CTNNA2: variants seen among roughly 807,000 people sequenced by gnomAD.
The protein encoded by CTNNA2 is catenin alpha 2.
CTNNA2 carries 42 observed loss-of-function variants against 101.0 expected under a neutral mutation model. That is an observed-to-expected ratio of 0.42 (90% CI 0.32 to 0.54). The LOEUF is 0.54. Ranked by LOEUF, CTNNA2 falls within the 20% of genes least tolerant of loss-of-function variation. The probability of loss-of-function intolerance (pLI) is 0.14; values close to 1 mark genes in which losing one functional copy is unlikely to be tolerated. For missense variants in CTNNA2, 871 were observed against 1,223.1 expected (o/e 0.71, Z 4.29); for synonymous variants, 450 against 456.4 (o/e 0.99, Z 0.18).
chr2:79,690,334 G>A (rs1367905815), intron 2 of CTNNA2, among the ~76,000 whole-genome samples: 1 of 151,870 alleles, frequency 6.6e-6, no homozygotes, highest in Non-Finnish European at 1.5e-5. Flanking sequence ...TTTTATACTA[G>A]CAAAATGTTA....
At chr2:79,527,474 C>CAAAAAAAAA (rs58822666) in intron 1 of CTNNA2, among the ~76,000 whole-genome samples, 177 of 84,122 alleles carry the variant, frequency 2.1e-3, no homozygotes, top group Non-Finnish European at 2.7e-3. Context: ...ACTAAAAATA[C>CAAAAAAAAA]AAAAAAAAAA....
intron 9 of CTNNA2, among the ~76,000 whole-genome samples, chr2:80,504,663 C>G (rs190610037): frequency 5.9e-5 from 9 of 152,258 alleles, no homozygotes; most frequent in African/African-American, 2.2e-4. Context: ...GGAACTCTCT[C>G]TAGGTCTCCT....
intron 9 of CTNNA2, among the ~76,000 whole-genome samples, chr2:80,508,500 G>A (rs1468759608): frequency 1.3e-5 from 2 of 151,806 alleles, no homozygotes; most frequent in African/African-American, 2.4e-5. Flanking sequence ...TGACAAACAA[G>A]TGTATCTTAA....
At chr2:79,647,637 A>G (rs1248243484) in intron 1 of CTNNA2, among the ~76,000 whole-genome samples, 1 of 152,216 alleles carries the variant, frequency 6.6e-6, no homozygotes, top group Non-Finnish European at 1.5e-5. Context: ...ACCTAGAACA[A>G]TGCCTGGCCC....
intron 7 of CTNNA2, among the ~76,000 whole-genome samples, chr2:80,064,784 A>C (rs1315900927): frequency 6.6e-6 from 1 of 152,196 alleles, no homozygotes; most frequent in Non-Finnish European, 1.5e-5. Context: ...TCTAATGTCC[A>C]ATTGACCAAA....
chr2:80,250,915 T>C (rs1671715405), intron 7 of CTNNA2, among the ~76,000 whole-genome samples: 1 of 152,084 alleles, frequency 6.6e-6, no homozygotes, highest in African/African-American at 2.4e-5. Flanking sequence ...GGTATTAAAC[T>C]CTCCCCAGAC....
chr2:79,329,381 T>C (rs1676819738), intron 3 of CTNNA2, among the ~76,000 whole-genome samples: 1 of 152,164 alleles, frequency 6.6e-6, no homozygotes, highest in Non-Finnish European at 1.5e-5. Context: ...AAGGGAATGA[T>C]GTAGAATACA....
At chr2:79,439,940 A>G (rs1426645295) in intron 4 of CTNNA2, among the ~76,000 whole-genome samples, 1 of 152,172 alleles carries the variant, frequency 6.6e-6, no homozygotes, top group East Asian at 1.9e-4. Flanking sequence ...GCAGGGAAAC[A>G]TGCGAAGGTA....
chr2:79,349,184 G>A (rs1329730603), intron 3 of CTNNA2, among the ~76,000 whole-genome samples: 1 of 152,210 alleles, frequency 6.6e-6, no homozygotes, highest in Non-Finnish European at 1.5e-5. Context: ...ATGTAAGTTT[G>A]TGGATAGGGT....
chr2:80,141,322 TG>T (rs1218289546), intron 7 of CTNNA2, among the ~76,000 whole-genome samples: 4 of 151,948 alleles, frequency 2.6e-5, no homozygotes, highest in African/African-American at 9.7e-5. Flanking sequence ...AGGAATTTTT[TG>T]AGCCCTCTTA....
intron 2 of CTNNA2, among the ~76,000 whole-genome samples, chr2:79,689,986 A>G (rs1268449757): frequency 1.3e-5 from 2 of 152,006 alleles, no homozygotes; most frequent in Non-Finnish European, 2.9e-5. Context: ...TATCTTGCAT[A>G]TACATACCTA....
At chr2:80,419,850 C>T (rs1461197672) in intron 9 of CTNNA2, among the ~76,000 whole-genome samples, 1 of 151,684 alleles carries the variant, frequency 6.6e-6, no homozygotes, top group Non-Finnish European at 1.5e-5. Flanking sequence ...TCCTGAACAA[C>T]AAGCAGGAGC....
At chr2:79,603,058 A>C (rs1041951268) in intron 1 of CTNNA2, among the ~76,000 whole-genome samples, 1 of 152,192 alleles carries the variant, frequency 6.6e-6, no homozygotes, top group South Asian at 2.1e-4. Flanking sequence ...AAACAAAGGG[A>C]TATTCATGCA....
chr2:79,604,488 G>A (rs1677756526), intron 1 of CTNNA2, among the ~76,000 whole-genome samples: 1 of 152,156 alleles, frequency 6.6e-6, no homozygotes, highest in Admixed American at 6.5e-5. Flanking sequence ...GAACTGAGTT[G>A]CAATTGGGAG....
intron 3 of CTNNA2, among the ~76,000 whole-genome samples, chr2:79,341,403 A>G (rs1181281057): frequency 1.3e-5 from 2 of 152,200 alleles, no homozygotes; most frequent in African/African-American, 2.4e-5. Context: ...TGCCAGTTTG[A>G]AGGGAAAATG....
At chr2:79,218,947 C>T (rs1323960622) in intron 2 of CTNNA2, among the ~76,000 whole-genome samples, 2 of 152,074 alleles carry the variant, frequency 1.3e-5, no homozygotes, top group African/African-American at 4.8e-5. Flanking sequence ...TAAAATCCTC[C>T]ATAATTTTAC....
At chr2:80,219,290 A>G (rs1464626093) in intron 7 of CTNNA2, among the ~76,000 whole-genome samples, 2 of 152,234 alleles carry the variant, frequency 1.3e-5, no homozygotes, top group Admixed American at 6.5e-5. Flanking sequence ...AGGATTCTGC[A>G]CAGTGAGAGG....
intron 7 of CTNNA2, among the ~76,000 whole-genome samples, chr2:80,310,707 C>T (rs1451211681): frequency 6.6e-6 from 1 of 152,154 alleles, no homozygotes; most frequent in African/African-American, 2.4e-5. Flanking sequence ...CTCATGAATA[C>T]TTTATTATAA....
chr2:79,511,423 C>T (rs1440923727), upstream of CTNNA2, among the ~76,000 whole-genome samples: 4 of 152,136 alleles, frequency 2.6e-5, no homozygotes, highest in African/African-American at 9.7e-5. Flanking sequence ...ATTTGGCGCT[C>T]GGCACTTCAT....
Sources: allele counts gnomAD v4.1 joint callset (sites outside exome capture counted in the v4.1 genomes callset), GRCh38; gene constraint gnomAD v4.1.1; transcripts MANE v1.5; gene names NCBI Gene and HGNC (gene_info 2026-07-23, HGNC 2026-07-21).